The following NR2E1 variants were observed in gnomAD, a reference collection of about 807,000 sequenced individuals.
The protein encoded by NR2E1 is nuclear receptor subfamily 2 group E member 1.
A neutral mutation model predicts 43.6 loss-of-function variants in NR2E1; 5 were observed. The observed-to-expected ratio is 0.11, with a 90% CI of 0.06 to 0.24. The LOEUF (loss-of-function observed/expected upper bound fraction) is 0.24. NR2E1 is among the 10% of genes least tolerant of loss of function. The pLI is 1.00. For missense variants in NR2E1, 287 were observed against 496.7 expected (o/e 0.58, Z 4.01); for synonymous variants, 191 against 195.5 (o/e 0.98, Z 0.19).
At chr6:108,183,111 C>A (rs893546864) in intron 8 of NR2E1, among the ~76,000 whole-genome samples, 4 of 152,182 alleles carry the variant, frequency 2.6e-5, no homozygotes, top group African/African-American at 7.2e-5. Context: ...GCAGGGCCCA[C>A]AGGCAGAGGC....
In NR2E1 at chr6:108,178,226, G is replaced by A. The variant is rs1293353632; in HGVS notation, c.627G>A (p.Leu209=). Residue 209 remains leucine (L), a synonymous_variant, in exon 5 of 9, where the codon CTG becomes CTA. Transcript: ENST00000368986. ...WAKSVPAFST[L]SLQDQLMLLE... The stretch of plus-strand genomic sequence containing the variant: ...AGAGTGTGCCAGCCTTCTCCACGCT[G>A]TCTTTGCAAGACCAGGTATGACCAC... The A allele has an allele frequency of 2.5e-6, 4 of 1,614,090 alleles. No individual in the cohort carries two copies. The highest frequency in any genetic ancestry group is 3.3e-4 in the Middle Eastern group (2 of 6,062).
intron 5 of NR2E1, chr6:108,179,008 GTGCAT>G (rs1773944257): frequency 6.6e-6 from 1 of 152,324 alleles, no homozygotes; most frequent in African/African-American, 2.4e-5. Flanking sequence ...GCTGTTACCA[GTGCAT>G]TCACAGGAAT....
At chr6:108,173,277 T>C (rs1377650891) in intron 2 of NR2E1, among the ~76,000 whole-genome samples, 2 of 152,226 alleles carry the variant, frequency 1.3e-5, no homozygotes, top group African/African-American at 4.8e-5. Flanking sequence ...TGCATACTTA[T>C]AAGAATACTG....
rs1773966748 is a variant in NR2E1, at chr6:108,180,517, G to A, written c.739+98G>A. On this transcript the variant is annotated intron_variant, in intron 6 of 8. Coordinates refer to ENST00000368986, the MANE Select transcript of NR2E1 (RefSeq NM_003269.5). This position sits in a 1 kb window ranked among gnomAD's most constrained non-coding sequence, Gnocchi z 5.4. Reference sequence around the variant, plus strand: ...ATGTAAAGAATAACAAATTCCTGCTGAACAATAGAGTATACCTGTCATTTA... The same window carrying A: ...ATGTAAAGAATAACAAATTCCTGCTAAACAATAGAGTATACCTGTCATTTA... 3.4e-6 allele frequency: 3 copies of A among 879,322 alleles called. No homozygotes were observed. Among genetic ancestry groups the A allele is most frequent in the Non-Finnish European group, 5.8e-6 (3 of 517,780 alleles). 54.5% of individuals were successfully genotyped at this position (879,322 alleles called of 1,614,324 possible).
Position 108,188,548 on chromosome 6 carries a change from CA to C in NR2E1, c.*1086del, listed in dbSNP as rs1562408845. Reference sequence around the variant, plus strand: ...ACACACACACACACACACACACACACACACCGTCCTACACTTTAAGCTGCTC... The same window carrying C: ...ACACACACACACACACACACACACACCACCGTCCTACACTTTAAGCTGCTC... On this transcript the variant is annotated 3_prime_UTR_variant, in exon 9 of 9. Coordinates refer to ENST00000368986, the MANE Select transcript of NR2E1 (RefSeq NM_003269.5). 10 of 151,934 alleles carry C rather than the reference CA, an allele frequency of 6.6e-5. No individual in the cohort carries two copies. Among genetic ancestry groups the C allele is most frequent in the African/African-American group, 2.5e-4 (10 of 40,640 alleles). 9.4% of individuals were successfully genotyped at this position (151,934 alleles called of 1,614,324 possible).
Position 108,169,300 on chromosome 6 carries a change from AG to A in NR2E1, c.26-2155del, listed in dbSNP as rs1773765628. On this transcript the variant is annotated intron_variant, in intron 1 of 8. Coordinates refer to ENST00000368986, the MANE Select transcript of NR2E1 (RefSeq NM_003269.5). The surrounding 1 kb of genome is among the most constrained non-coding windows in gnomAD (Gnocchi z 6.1). ...AGGACTCGCACTGGTGGTGGCCTAG[AG>A]GGCAACAGTCCGGAAGCTCGGGCGG... Among the ~76,000 whole-genome samples, 2 of 152,166 alleles carry A rather than the reference AG, an allele frequency of 1.3e-5. No homozygotes were observed. Among genetic ancestry groups the A allele is most frequent in the Non-Finnish European group, 2.9e-5 (2 of 68,012 alleles).
chr6:108,172,016 G>A (rs189715102), intron 2 of NR2E1, among the ~76,000 whole-genome samples: 1 of 152,206 alleles, frequency 6.6e-6, no homozygotes, highest in Non-Finnish European at 1.5e-5. Flanking sequence ...ACTCCTAGCA[G>A]CATCAAGCTC....
chr6:108,166,603 G>A lies in NR2E1; in HGVS notation c.-163G>A. On this transcript the variant is annotated 5_prime_UTR_variant, in exon 1 of 9. Transcript: ENST00000368986. The surrounding 1 kb of genome is among the most constrained non-coding windows in gnomAD (Gnocchi z 7.2). ...TTCCACTGTTGGACGAATTCTGAGC[G>A]CCCAGGGAGCAGCGCAGCGCGCGAC... 1 of 548,410 alleles carries A rather than the reference G, an allele frequency of 1.8e-6. No individual in the cohort carries two copies. The highest frequency in any genetic ancestry group is 3.1e-6 in the Non-Finnish European group (1 of 322,928). 34.0% of individuals were successfully genotyped at this position (548,410 alleles called of 1,614,324 possible). A position where few individuals can be genotyped will look rare whatever the true frequency, so the allele number is the denominator to read the frequency against.
In NR2E1 at chr6:108,187,830, T is replaced by C; in HGVS notation, c.*367T>C. 2 of 313,220 alleles carry C rather than the reference T, an allele frequency of 6.4e-6. No individual in the cohort carries two copies. The highest frequency in any genetic ancestry group is 6.2e-5 in the South Asian group (2 of 32,470). 19.4% of individuals were successfully genotyped at this position (313,220 alleles called of 1,614,324 possible). A position where few individuals can be genotyped will look rare whatever the true frequency, so the allele number is the denominator to read the frequency against. ...TAGTGCTTTCTCTTCCTTTTTAGCATACAAAGTTTGGTAACCAAATATAGC... is the reference window on the plus strand; with the variant it reads ...TAGTGCTTTCTCTTCCTTTTTAGCACACAAAGTTTGGTAACCAAATATAGC... On this transcript the variant is annotated 3_prime_UTR_variant, in exon 9 of 9. Coordinates refer to ENST00000368986, the MANE Select transcript of NR2E1 (RefSeq NM_003269.5).
chr6:108,187,530 C>A lies in NR2E1; in HGVS notation c.*67C>A. On this transcript the variant is annotated 3_prime_UTR_variant, in exon 9 of 9. Coordinates refer to ENST00000368986, the MANE Select transcript of NR2E1 (RefSeq NM_003269.5). ...TGAACTTCAACCCATGGAGAACAAG[C>A]CTCAACTAACAAACCCTTCAGGAAG... 1.3e-6 allele frequency: 2 copies of A among 1,535,888 alleles called. No homozygotes were observed. The highest frequency in any genetic ancestry group is 1.8e-6 in the Non-Finnish European group (2 of 1,111,566).
At chr6:108,179,581 A>G (rs1389785143) in intron 5 of NR2E1, among the ~76,000 whole-genome samples, 1 of 150,630 alleles carries the variant, frequency 6.6e-6, no homozygotes, top group Non-Finnish European at 1.5e-5. Flanking sequence ...CTCTCACCCA[A>G]ACAAAATTTA....
At chr6:108,170,341 TAAC>T (rs2114671187) in intron 1 of NR2E1, among the ~76,000 whole-genome samples, 1 of 152,330 alleles carries the variant, frequency 6.6e-6, no homozygotes, top group South Asian at 2.1e-4. Flanking sequence ...TTAATTAAGT[TAAC>T]AGTTTAATAC....
chr6:108,171,749 A>G (rs1773815757), intron 2 of NR2E1, 146 bp downstream of exon 2: 1 of 1,073,648 alleles, frequency 9.3e-7, no homozygotes, highest in African/African-American at 1.5e-5. Flanking sequence ...TTCTTGCCTC[A>G]ACTCTTGGAG....
chr6:108,180,778 A>G lies in NR2E1; in HGVS notation c.740-29A>G. 6.2e-7 allele frequency: 1 copy of G among 1,607,154 alleles called. No homozygotes were observed. Among genetic ancestry groups the G allele is most frequent in the East Asian group, 2.2e-5 (1 of 44,836 alleles). ...TAAATCATGAAAATGCCTTCATATT[A>G]GAGTATTTATCCCATATTTTTATTC... On this transcript the variant is annotated intron_variant, in intron 6 of 8. Transcript: ENST00000368986. This position sits in a 1 kb window ranked among gnomAD's most constrained non-coding sequence, Gnocchi z 5.4.
intron 8 of NR2E1, among the ~76,000 whole-genome samples, chr6:108,182,266 G>GCTCAA (rs1409517095): frequency 1.7e-4 from 25 of 147,100 alleles, no homozygotes; most frequent in African/African-American, 6.0e-4. Flanking sequence ...AAAAAAAGAA[G>GCTCAA]CTCAAAGTGT....
At chr6:108,179,472 T>C (rs1463752267) in intron 5 of NR2E1, among the ~76,000 whole-genome samples, 5 of 150,520 alleles carry the variant, frequency 3.3e-5, no homozygotes, top group Non-Finnish European at 7.4e-5. Context: ...CCAGGTTTAC[T>C]GGTTAGCTCT....
At chr6:108,170,823 G>T (rs1582441820) in intron 1 of NR2E1, among the ~76,000 whole-genome samples, 2 of 152,060 alleles carry the variant, frequency 1.3e-5, no homozygotes, top group Non-Finnish European at 2.9e-5. Flanking sequence ...TTTCCTAAAA[G>T]AAATAATTTC....
chr6:108,168,293 C>G, intron 1 of NR2E1: 1 of 910,866 alleles, frequency 1.1e-6, no homozygotes, highest in South Asian at 1.9e-5. Flanking sequence ...CTCGGCAGGC[C>G]TCCTAGCTCG....
chr6:108,183,023 A>G (rs1309091167), intron 8 of NR2E1, among the ~76,000 whole-genome samples: 6 of 152,142 alleles, frequency 3.9e-5, no homozygotes, highest in Non-Finnish European at 8.8e-5. Flanking sequence ...CTTTTCACCT[A>G]TCATAACTGT....
Sources: gnomAD v4.1 joint callset for allele counts (sites outside exome capture counted in the v4.1 genomes callset) on GRCh38, gnomAD v4.1.1 for gene constraint, Gnocchi (gnomAD v3.1) non-coding constraint, MANE v1.5 for transcripts, NCBI Gene and HGNC (gene_info 2026-07-23, HGNC 2026-07-21) for gene names.